The following THRB variants were observed in gnomAD, a reference collection of about 807,000 sequenced individuals.
The protein encoded by THRB is nuclear receptor subfamily 1 group A member 2.
In THRB, 12 loss-of-function variants were observed where a neutral mutation model predicts 47.8. The ratio of observed to expected loss-of-function variants is 0.25; its 90% confidence interval spans 0.16 to 0.41. The LOEUF is 0.41. THRB is among the 10% of genes least tolerant of loss of function. The pLI is 1.00. For synonymous variants in THRB, 218 were observed against 212.2 expected, an observed-to-expected ratio of 1.03 and a Z score of -0.24; for missense variants, 348 against 589.2, an observed-to-expected ratio of 0.59 and a Z score of 4.24.
intron 1 of THRB, among the ~76,000 whole-genome samples, chr3:24,375,372 G>T: frequency 1.4e-5 from 2 of 140,662 alleles, no homozygotes; most frequent in African/African-American, 5.1e-5. Context: ...ATTATATTTA[G>T]ACATATAATA....
At chr3:24,341,311 C>A (rs1348464373) in intron 1 of THRB, among the ~76,000 whole-genome samples, 1 of 144,902 alleles carries the variant, frequency 6.9e-6, no homozygotes, top group Non-Finnish European at 1.5e-5. Flanking sequence ...GGCTCACTGA[C>A]ACTTCCACTT....
chr3:24,233,763 G>C (rs2048583233), intron 3 of THRB, among the ~76,000 whole-genome samples: 1 of 152,212 alleles, frequency 6.6e-6, no homozygotes, highest in African/African-American at 2.4e-5. Context: ...CACATGAGGG[G>C]TAGAGAGTGG....
At chr3:24,224,137 C>T (rs183297333) in intron 4 of THRB, among the ~76,000 whole-genome samples, 1 of 152,220 alleles carries the variant, frequency 6.6e-6, no homozygotes, top group East Asian at 1.9e-4. Flanking sequence ...TGTTCAGTCC[C>T]TTTGACCCAT....
chr3:24,243,123 A>G (rs1185090692), intron 3 of THRB, among the ~76,000 whole-genome samples: 1 of 149,642 alleles, frequency 6.7e-6, no homozygotes, highest in East Asian at 2.0e-4. Context: ...ACTCCAGGCC[A>G]ATTAGTGTCT....
chr3:24,163,813 T>C (rs997109721), intron 5 of THRB, among the ~76,000 whole-genome samples: 4 of 152,118 alleles, frequency 2.6e-5, no homozygotes, highest in African/African-American at 9.6e-5. Flanking sequence ...TGATTGGAAG[T>C]TATAGAATAA....
At chr3:24,287,006 G>A (rs1029992767) in intron 3 of THRB, among the ~76,000 whole-genome samples, 4 of 152,098 alleles carry the variant, frequency 2.6e-5, no homozygotes, top group Admixed American at 6.5e-5. Context: ...TAAATTCCAA[G>A]GAATAAAATT....
chr3:24,186,944 CAAAAAAAAAAA>C (rs71057655), intron 5 of THRB, among the ~76,000 whole-genome samples: 23 of 77,538 alleles, frequency 3.0e-4, no homozygotes, highest in Non-Finnish European at 3.9e-4. Flanking sequence ...GACTCCATTT[CAAAAAAAAAAA>C]AAAAAAAAAA....
At position 24,240,834 on chromosome 3, in the gene THRB, G is replaced by A. The variant is rs145238884; in HGVS notation, c.-42-11833C>T. 8.3e-3 allele frequency among the ~76,000 whole-genome samples: 1,268 copies of A among 152,238 alleles called. 19 individuals are homozygous for A. Among genetic ancestry groups the A allele is most frequent in the African/African-American group, 0.029 (1,190 of 41,538 alleles). ...ATATACTTTCCAGGGCCCACATGTT[G>A]AGAACCACCAGCCTGATCCATTTAA... On this transcript the variant is annotated intron_variant, in intron 3 of 10. Coordinates refer to ENST00000646209, the MANE Select transcript of THRB (RefSeq NM_001354712.2).
At chr3:24,232,702 T>A (rs767753466) in intron 3 of THRB, among the ~76,000 whole-genome samples, 10 of 151,940 alleles carry the variant, frequency 6.6e-5, no homozygotes, top group Non-Finnish European at 1.3e-4. Flanking sequence ...AGCTCGTGGG[T>A]GGAAAGCAGA....
At chr3:24,479,807 C>G (rs758787675) in intron 1 of THRB, among the ~76,000 whole-genome samples, 1 of 152,162 alleles carries the variant, frequency 6.6e-6, no homozygotes, top group Non-Finnish European at 1.5e-5. Context: ...CATGGCACCA[C>G]TTCAGCGCCC....
Position 24,243,317 on chromosome 3 carries a change from C to T in THRB, c.-42-14316G>A, listed in dbSNP as rs780058441. Among the ~76,000 whole-genome samples the T allele has an allele frequency of 2.4e-4, 37 of 151,970 alleles. 1 individual carries two copies. Among genetic ancestry groups the T allele is most frequent in the East Asian group, 1.9e-4 (1 of 5,148 alleles). On this transcript the variant is annotated intron_variant, in intron 3 of 10. Transcript: ENST00000646209. The stretch of plus-strand genomic sequence containing the variant: ...CATTCCAACAGGTAGGATACGATTC[C>T]GCTCCTGTCACCCCTCTGCTCAAAA...
intron 1 of THRB, among the ~76,000 whole-genome samples, chr3:24,488,050 G>A (rs967825891): frequency 4.6e-4 from 70 of 152,170 alleles, no homozygotes; most frequent in Non-Finnish European, 1.5e-4. Flanking sequence ...CATATATTAT[G>A]CTACTAACAC....
intron 4 of THRB, among the ~76,000 whole-genome samples, chr3:24,206,537 C>T (rs113762969): frequency 6.6e-6 from 1 of 151,966 alleles, no homozygotes; most frequent in South Asian, 2.1e-4. Flanking sequence ...TAAATGCCCA[C>T]AAGAGAAAGC....
intron 1 of THRB, among the ~76,000 whole-genome samples, chr3:24,429,052 G>A (rs2150364584): frequency 6.6e-6 from 1 of 151,938 alleles, no homozygotes; most frequent in East Asian, 1.9e-4. Context: ...CTGGGGCAGT[G>A]AGGGGAGAAA....
intron 1 of THRB, among the ~76,000 whole-genome samples, chr3:24,338,002 G>A (rs2062376665): frequency 6.6e-6 from 1 of 152,174 alleles, no homozygotes; most frequent in South Asian, 2.1e-4. Flanking sequence ...ATGCCGCAGA[G>A]GATGTCGCCG....
chr3:24,487,973 T>A (rs1455278294), intron 1 of THRB, among the ~76,000 whole-genome samples: 3 of 152,202 alleles, frequency 2.0e-5, no homozygotes, highest in Admixed American at 6.5e-5. Context: ...ATCTGAACCA[T>A]CTTGAGAACC....
intron 1 of THRB, among the ~76,000 whole-genome samples, chr3:24,393,475 T>TATCTGC (rs1157708292): frequency 5.3e-5 from 8 of 152,124 alleles, no homozygotes; most frequent in Non-Finnish European, 8.8e-5. Context: ...GGCCCATAAA[T>TATCTGC]ATCTGCATAA....
chr3:24,355,573 A>G (rs1012768506), intron 1 of THRB, among the ~76,000 whole-genome samples: 25 of 152,172 alleles, frequency 1.6e-4, no homozygotes, highest in African/African-American at 5.8e-4. Flanking sequence ...ACACAACGAA[A>G]CACTTAGGAA....
intron 3 of THRB, among the ~76,000 whole-genome samples, chr3:24,260,363 C>A (rs2051827529): frequency 6.6e-6 from 1 of 152,248 alleles, no homozygotes; most frequent in African/African-American, 2.4e-5. Flanking sequence ...TGACTCTCAC[C>A]AGGAGGCAAG....
Sources: gnomAD v4.1 joint callset for allele counts (sites outside exome capture counted in the v4.1 genomes callset) on GRCh38, gnomAD v4.1.1 for gene constraint, MANE v1.5 for transcripts, NCBI Gene and HGNC (gene_info 2026-07-23, HGNC 2026-07-21) for gene names.